The following IL1RAPL1 variants were observed in gnomAD, a reference collection of about 807,000 sequenced individuals.
IL1RAPL1 encodes interleukin-1 receptor accessory protein-like 1.
Under a neutral mutation model 48.4 loss-of-function variants are expected in IL1RAPL1, and 3 were observed. The ratio of observed to expected loss-of-function variants is 0.06; its 90% CI spans 0.03 to 0.16. The LOEUF is 0.16. Among genes scored for constraint, IL1RAPL1 ranks in the 10% least tolerant of loss-of-function variants. The pLI is 1.00. For missense variants in IL1RAPL1, 349 were observed against 530.6 expected (o/e 0.66, Z 3.36); for synonymous variants, 185 against 187.7 (o/e 0.99, Z 0.12).
rs1313740434 is a variant in IL1RAPL1 at position 29,333,281 on chromosome X, A to AC, written c.362+50072dup. Among the ~76,000 whole-genome samples the AC allele has an allele frequency of 3.1e-3, 316 of 101,484 alleles. 1 individual carries two copies. The highest frequency in any genetic ancestry group is 5.3e-3 in the Middle Eastern group (1 of 187). 88.1% of individuals were successfully genotyped at this position (101,484 alleles called of 115,157 possible). ...GGGCAGCTGGCCGGGCGGGGGGCTG[A>AC]CCCCCCCCACCATCCTCCCGGACGG... On this transcript the variant is annotated intron_variant, in intron 3 of 10. Transcript: ENST00000378993.
rs1936246297 is a variant in IL1RAPL1 at position 28,766,854 on chromosome X, G to T, written c.-24-22466G>T. Among the ~76,000 whole-genome samples, 4 of 110,982 alleles carry T rather than the reference G, an allele frequency of 3.6e-5. No individual in the cohort carries two copies. The Admixed American group carries it at 3.8e-4, about 11-fold the overall frequency. ...AATGACCTTCAGTTCCATCCATGTT[G>T]TTGCAAATGACAAGATCTCTTTTTT... On this transcript the variant is annotated intron_variant, in intron 1 of 10. Coordinates refer to ENST00000378993, the MANE Select transcript of IL1RAPL1 (RefSeq NM_014271.4).
chrX:29,480,416 C>T (rs1397491558), intron 5 of IL1RAPL1, among the ~76,000 whole-genome samples: 2 of 106,772 alleles, frequency 1.9e-5, no homozygotes, highest in Admixed American at 1.0e-4. Flanking sequence ...TTGGCCTGAT[C>T]TACCCCTCCT....
At chrX:29,413,555 C>G (rs1230444779) in intron 5 of IL1RAPL1, among the ~76,000 whole-genome samples, 1 of 97,314 alleles carries the variant, frequency 1.0e-5, no homozygotes, top group Non-Finnish European at 2.0e-5. Context: ...CTTCCTGTGT[C>G]CATGTGTTCT....
chrX:29,544,428 TTGTG>T (rs1287790109), intron 5 of IL1RAPL1, among the ~76,000 whole-genome samples: 1 of 111,558 alleles, frequency 9.0e-6, no homozygotes, highest in African/African-American at 3.3e-5. Flanking sequence ...CTTTCAAGTG[TTGTG>T]TGTATCTGTG....
At chrX:28,761,189 T>C (rs1936168137) in intron 1 of IL1RAPL1, among the ~76,000 whole-genome samples, 2 of 110,592 alleles carry the variant, frequency 1.8e-5, no homozygotes, top group African/African-American at 3.3e-5. Flanking sequence ...TCAGGCATTG[T>C]GGGAGCAGCT....
chrX:29,734,992 A>G (rs1317568995), intron 6 of IL1RAPL1, among the ~76,000 whole-genome samples: 1 of 111,453 alleles, frequency 9.0e-6, no homozygotes, highest in African/African-American at 3.3e-5. Flanking sequence ...AGGCATCTGT[A>G]TTTGTTTTCT....
chrX:29,765,822 G>C (rs1422975935), intron 6 of IL1RAPL1, among the ~76,000 whole-genome samples: 1 of 110,992 alleles, frequency 9.0e-6, no homozygotes, highest in Admixed American at 9.6e-5. Flanking sequence ...AATACCATAT[G>C]TTCTCACTTA....
At chrX:28,685,171 A>G (rs1022385343) in intron 1 of IL1RAPL1, among the ~76,000 whole-genome samples, 1 of 112,581 alleles carries the variant, frequency 8.9e-6, no homozygotes, top group African/African-American at 3.2e-5. Flanking sequence ...CAATGACTGA[A>G]TCAACAATCT....
At chrX:29,035,303 G>A (rs748107640) in intron 2 of IL1RAPL1, among the ~76,000 whole-genome samples, 1 of 111,579 alleles carries the variant, frequency 9.0e-6, no homozygotes, top group Non-Finnish European at 1.9e-5. Flanking sequence ...GTTATAGTGA[G>A]AGACAGACAC....
Position 29,954,824 on chromosome X carries a change from C to T in IL1RAPL1, c.1372+132C>T, listed in dbSNP as rs1037468758. ...ATCTGTTAGTTTCCCTAGAAAGAAACGTCTTTGTGTGTTCACATGAAATTT... is the reference window on the plus strand; with the variant it reads ...ATCTGTTAGTTTCCCTAGAAAGAAATGTCTTTGTGTGTTCACATGAAATTT... On this transcript the variant is annotated intron_variant, in intron 10 of 10. Transcript: ENST00000378993. The T allele has an allele frequency of 4.6e-5, 27 of 589,536 alleles. No homozygotes were observed. In the South Asian group the frequency reaches 6.4e-4, roughly 14 times the overall value. 48.6% of individuals were successfully genotyped at this position (589,536 alleles called of 1,213,427 possible). A position where few individuals can be genotyped will look rare whatever the true frequency, so the allele number is the denominator to read the frequency against.
chrX:29,651,171 G>A (rs1050758672), intron 5 of IL1RAPL1, among the ~76,000 whole-genome samples: 2 of 110,311 alleles, frequency 1.8e-5, no homozygotes, highest in African/African-American at 6.6e-5. Context: ...TGCACTATTG[G>A]TGAGAATGTG....
chrX:29,117,523 A>G (rs1647370883), intron 2 of IL1RAPL1, among the ~76,000 whole-genome samples: 1 of 112,314 alleles, frequency 8.9e-6, no homozygotes, highest in South Asian at 3.6e-4. Context: ...TCTTTTCTGT[A>G]CGTGTTTTTA....
chrX:28,777,592 C>T (rs1936373835), intron 1 of IL1RAPL1, among the ~76,000 whole-genome samples: 1 of 111,599 alleles, frequency 9.0e-6, no homozygotes, highest in Non-Finnish European at 1.9e-5. Flanking sequence ...CTTGAAGCTT[C>T]AGTGGTCATG....
chrX:29,400,007 T>C (rs1933973969), intron 5 of IL1RAPL1, among the ~76,000 whole-genome samples: 1 of 111,917 alleles, frequency 8.9e-6, no homozygotes, highest in Admixed American at 9.5e-5. Flanking sequence ...GAAAAGTCGC[T>C]TTTCTCTTTT....
intron 6 of IL1RAPL1, among the ~76,000 whole-genome samples, chrX:29,886,360 C>A (rs1034123320): frequency 4.5e-5 from 5 of 112,186 alleles, no homozygotes; most frequent in Admixed American, 1.9e-4. Context: ...GCTTATAGAA[C>A]CTCTTGCTTT....
intron 1 of IL1RAPL1, among the ~76,000 whole-genome samples, chrX:28,635,968 A>G (rs1179972023): frequency 1.8e-5 from 2 of 112,024 alleles, no homozygotes; most frequent in Admixed American, 9.5e-5. Context: ...GTCAGGTCTC[A>G]TTATAAGGCT....
At chrX:29,032,150 C>T (rs1411221436) in intron 2 of IL1RAPL1, among the ~76,000 whole-genome samples, 4 of 111,796 alleles carry the variant, frequency 3.6e-5, no homozygotes, top group Non-Finnish European at 7.5e-5. Context: ...CACATCTGTG[C>T]AGGTTGTCTA....
chrX:29,378,057 T>G (rs1386766842), intron 3 of IL1RAPL1, among the ~76,000 whole-genome samples: 1 of 110,382 alleles, frequency 9.1e-6, no homozygotes, highest in Non-Finnish European at 1.9e-5. Flanking sequence ...TTTTTTTTTT[T>G]TCATTTTAAA....
intron 1 of IL1RAPL1, among the ~76,000 whole-genome samples, chrX:28,699,510 C>T (rs1010045818): frequency 8.9e-6 from 1 of 112,343 alleles, no homozygotes; most frequent in Non-Finnish European, 1.9e-5. Flanking sequence ...TTCTTAATAG[C>T]GTAGCTGGAT....
Sources: allele counts gnomAD v4.1 joint callset (sites outside exome capture counted in the v4.1 genomes callset), GRCh38; gene constraint gnomAD v4.1.1; transcripts MANE v1.5; gene names NCBI Gene and HGNC (gene_info 2026-07-23, HGNC 2026-07-21).